MAP2K4: variants seen among roughly 807,000 people sequenced by gnomAD.
MAP2K4 encodes the protein mitogen-activated protein kinase kinase 4.
MAP2K4 carries 4 observed loss-of-function variants against 48.5 expected under a neutral mutation model. That is an observed-to-expected ratio of 0.08 (90% CI 0.04 to 0.19). The LOEUF is 0.19. MAP2K4 is among the 10% of genes least tolerant of loss of function. MAP2K4 has a pLI of 1.00. For synonymous variants in MAP2K4, 166 were observed against 173.1 expected, an observed-to-expected ratio of 0.96 and a Z score of 0.32; for missense variants, 258 against 493.3, an observed-to-expected ratio of 0.52 and a Z score of 4.52.
intron 3 of MAP2K4, among the ~76,000 whole-genome samples, chr17:12,083,564 A>T (rs1461346677): frequency 6.6e-6 from 1 of 152,224 alleles, no homozygotes; most frequent in African/African-American, 2.4e-5. Context: ...GGATGGCAGT[A>T]CAACACATCA....
chr17:12,034,766 C>T (rs548769280), intron 1 of MAP2K4, among the ~76,000 whole-genome samples: 1 of 152,292 alleles, frequency 6.6e-6, no homozygotes, highest in African/African-American at 2.4e-5. Flanking sequence ...TGGATCTGTC[C>T]TGGTCACCTT....
At chr17:12,032,304 C>G in intron 1 of MAP2K4, 1 of 1,363,700 alleles carries the variant, frequency 7.3e-7, no homozygotes, top group Non-Finnish European at 9.6e-7. Context: ...ACAAAGTAAG[C>G]TACAAATTTT....
intron 2 of MAP2K4, among the ~76,000 whole-genome samples, chr17:12,077,029 G>A (rs1419158540): frequency 6.6e-6 from 1 of 152,146 alleles, no homozygotes; most frequent in Non-Finnish European, 1.5e-5. Flanking sequence ...GAGGCAGGAT[G>A]CTTTACTGAA....
chr17:12,115,566 C>A (rs190820993), intron 7 of MAP2K4: 6 of 691,014 alleles, frequency 8.7e-6, no homozygotes, highest in African/African-American at 1.8e-5. Flanking sequence ...TACCAGGCTG[C>A]GGAGGAGACT....
chr17:12,068,421 T>C (rs1254752105), intron 2 of MAP2K4, among the ~76,000 whole-genome samples: 1 of 152,150 alleles, frequency 6.6e-6, no homozygotes, highest in Non-Finnish European at 1.5e-5. Flanking sequence ...ACTATGGTAA[T>C]GTAGGTAAAG....
In MAP2K4 at chr17:12,056,084, A is replaced by G. The variant is rs545662130; in HGVS notation, c.218+1093A>G. On this transcript the variant is annotated intron_variant, in intron 2 of 10. Transcript: ENST00000353533. ...TTCAGCAGCAAGGAAACAATTCTTA[A>G]AAGAACCTCCTTCCTTATTTCTTAG... is the stretch of plus-strand genomic sequence containing the variant. 7.9e-5 allele frequency among the ~76,000 whole-genome samples: 12 copies of G among 152,174 alleles called. 1 individual carries two copies. The South Asian group carries it at 2.3e-3, about 29-fold the overall frequency.
intron 2 of MAP2K4, among the ~76,000 whole-genome samples, chr17:12,070,757 T>A (rs1335534446): frequency 6.6e-6 from 1 of 152,230 alleles, no homozygotes; most frequent in Non-Finnish European, 1.5e-5. Flanking sequence ...GGCTGCATAG[T>A]TGCAGGAGAC....
intron 3 of MAP2K4, among the ~76,000 whole-genome samples, chr17:12,088,200 TCCTCTA>T (rs910407169): frequency 7.9e-5 from 12 of 152,040 alleles, no homozygotes; most frequent in African/African-American, 2.9e-4. Context: ...TGCTCTCCTA[TCCTCTA>T]CATCACTGAC....
At chr17:12,093,623 T>A (rs773605027) in intron 3 of MAP2K4, among the ~76,000 whole-genome samples, 3 of 152,194 alleles carry the variant, frequency 2.0e-5, no homozygotes, top group Non-Finnish European at 2.9e-5. Context: ...AGTTTATGTG[T>A]GTTAGTATAT....
chr17:12,094,716 A>G (rs1188599723), intron 3 of MAP2K4, among the ~76,000 whole-genome samples: 1 of 146,692 alleles, frequency 6.8e-6, no homozygotes, highest in African/African-American at 2.4e-5. Flanking sequence ...CTGTTCCTGA[A>G]TAAGAGGTGG....
chr17:12,110,502 A>G (rs1407841460), intron 6 of MAP2K4, 76 bp downstream of exon 6: 1 of 1,035,082 alleles, frequency 9.7e-7, no homozygotes, highest in Non-Finnish European at 1.5e-6. Flanking sequence ...ATTGAAAATT[A>G]CAGTGTCACT....
At chr17:12,024,799 G>A (rs1035457790) in intron 1 of MAP2K4, among the ~76,000 whole-genome samples, 2 of 152,108 alleles carry the variant, frequency 1.3e-5, no homozygotes, top group Admixed American at 1.3e-4. Context: ...CCTAAAGTAC[G>A]GAATTGACTT....
intron 3 of MAP2K4, among the ~76,000 whole-genome samples, chr17:12,091,057 A>G (rs977018773): frequency 6.6e-6 from 1 of 152,226 alleles, no homozygotes; most frequent in Non-Finnish European, 1.5e-5. Flanking sequence ...CTGTGAAGAG[A>G]GAGCTCCCCT....
intron 2 of MAP2K4, among the ~76,000 whole-genome samples, chr17:12,074,072 T>G (rs1334962433): frequency 6.6e-6 from 1 of 152,120 alleles, no homozygotes; most frequent in Non-Finnish European, 1.5e-5. Context: ...GTGCCTGGCC[T>G]CTTGTTGTAG....
intron 4 of MAP2K4, among the ~76,000 whole-genome samples, chr17:12,101,610 A>G (rs373814567): frequency 5.3e-5 from 8 of 152,102 alleles, no homozygotes; most frequent in Non-Finnish European, 8.8e-5. Context: ...TTGTAGGTCT[A>G]CTGGGGGAGC....
chr17:12,070,382 C>G (rs1597435813), intron 2 of MAP2K4, among the ~76,000 whole-genome samples: 1 of 152,066 alleles, frequency 6.6e-6, no homozygotes, highest in Non-Finnish European at 1.5e-5. Context: ...AGCGTACTTA[C>G]CTAAGTGATG....
chr17:12,103,905 AT>A (rs888645195), intron 4 of MAP2K4, among the ~76,000 whole-genome samples: 11 of 152,034 alleles, frequency 7.2e-5, no homozygotes, highest in African/African-American at 1.9e-4. Context: ...TTTTTATTTT[AT>A]TTTTTTAGAA....
Position 12,027,831 on chromosome 17 carries a change from C to G in MAP2K4, c.115+6830C>G, listed in dbSNP as rs548562562. On this transcript the variant is annotated intron_variant, in intron 1 of 10. Coordinates refer to ENST00000353533, the MANE Select transcript of MAP2K4 (RefSeq NM_003010.4). ...ATCTCCAGGGCTGTTTGGAGTCCTT[C>G]CCTTTTAATTCTCTCAAGGTGACTG... 2.8e-3 allele frequency among the ~76,000 whole-genome samples: 411 copies of G among 146,984 alleles called. 1 individual carries two copies. Among genetic ancestry groups the G allele is most frequent in the Non-Finnish European group, 4.8e-3 (313 of 65,860 alleles).
intron 2 of MAP2K4, among the ~76,000 whole-genome samples, chr17:12,062,105 C>T (rs1002055848): frequency 5.6e-5 from 8 of 142,680 alleles, no homozygotes; most frequent in Admixed American, 1.4e-4. Flanking sequence ...CATCCATACT[C>T]TTGCTTTAAT....
Sources: allele counts gnomAD v4.1 joint callset (sites outside exome capture counted in the v4.1 genomes callset), GRCh38; gene constraint gnomAD v4.1.1; transcripts MANE v1.5; gene names NCBI Gene and HGNC (gene_info 2026-07-23, HGNC 2026-07-21).